Variants in ITGA8 observed in about 807,000 individuals in gnomAD.
ITGA8 encodes integrin alpha-8.
In ITGA8, 91 loss-of-function variants were observed where a neutral mutation model predicts 142.3. The observed-to-expected ratio is 0.64, with a 90% confidence interval of 0.54 to 0.76. ITGA8 has a LOEUF of 0.76. Among genes scored for constraint, ITGA8 ranks in the 30% least tolerant of loss-of-function variants. ITGA8 has a pLI of 0.00. For missense variants in ITGA8, 1,406 were observed against 1,327.7 expected (o/e 1.06, Z -0.92); for synonymous variants, 505 against 485.2 (o/e 1.04, Z -0.54).
At chr10:15,643,077 A>G (rs575691819) in intron 13 of ITGA8, among the ~76,000 whole-genome samples, 4 of 152,380 alleles carry the variant, frequency 2.6e-5, no homozygotes, top group Non-Finnish European at 4.4e-5. Context: ...AAACCTGGAC[A>G]GTGAAATAAT....
At chr10:15,649,017 A>C (rs150016044) in intron 11 of ITGA8, among the ~76,000 whole-genome samples, 1,992 of 152,240 alleles carry the variant, frequency 0.013, 32 homozygotes, top group African/African-American at 0.045. Context: ...CTTGGAGGGA[A>C]CTAAGGAAGG....
At position 15,719,589 on chromosome 10, in the gene ITGA8, C is replaced by T; in HGVS notation, c.183G>A (p.Val61=). The change falls in exon 1 of 30, where the codon GTG becomes GTA. Residue 61 remains valine, a synonymous_variant. Transcript: ENST00000378076. ...GPKGSYFGYA[V]DFHIPDARTA... Reference sequence around the variant, plus strand: ...TGCGGGCGTCGGGTATGTGGAAGTCCACGGCGTAGCCGAAGTAGCTGCCCT... The same window carrying T: ...TGCGGGCGTCGGGTATGTGGAAGTCTACGGCGTAGCCGAAGTAGCTGCCCT... 1.3e-6 allele frequency: 2 copies of T among 1,562,230 alleles called. No individual in the cohort carries two copies. Among genetic ancestry groups the T allele is most frequent in the Non-Finnish European group, 1.7e-6 (2 of 1,162,014 alleles).
At chr10:15,663,804 A>G (rs567855055) in intron 8 of ITGA8, among the ~76,000 whole-genome samples, 1 of 152,276 alleles carries the variant, frequency 6.6e-6, no homozygotes, top group South Asian at 2.1e-4. Flanking sequence ...TCCTGAGCTC[A>G]AGCAATTCTC....
At chr10:15,616,679 T>G in intron 13 of ITGA8, 120 bp from the exon 14 acceptor site, 1 of 799,218 alleles carries the variant, frequency 1.3e-6, no homozygotes, top group Non-Finnish European at 2.1e-6. Flanking sequence ...AGCCACAAAA[T>G]TAGAAGAGAA....
At chr10:15,555,807 T>C (rs1025681506) in intron 26 of ITGA8, among the ~76,000 whole-genome samples, 25 of 150,480 alleles carry the variant, frequency 1.7e-4, no homozygotes, top group African/African-American at 6.2e-4. Flanking sequence ...GCCATTCTCC[T>C]GCCTCAGCCT....
intron 27 of ITGA8, among the ~76,000 whole-genome samples, chr10:15,544,879 G>A (rs1181386880): frequency 6.6e-6 from 1 of 152,210 alleles, no homozygotes; most frequent in Non-Finnish European, 1.5e-5. Flanking sequence ...CATGTTAGGA[G>A]ATCGCTCAAG....
At chr10:15,712,409 C>G (rs1284929100) in intron 2 of ITGA8, among the ~76,000 whole-genome samples, 4 of 152,070 alleles carry the variant, frequency 2.6e-5, no homozygotes, top group African/African-American at 9.7e-5. Flanking sequence ...TGGTGAAACC[C>G]TGTCTCTACT....
Position 15,517,217 on chromosome 10 carries a change from G to C in ITGA8, c.3133C>G (p.Pro1045Ala), listed in dbSNP as rs547401440. ...TCCCTGTCGGTCATGTCCTCCTGAG[G>C]AGGTCTGGCTCTGTCAAAGAATCCA... ...KCGFFDRARP[P>A]QEDMTDREQL... Residue 1045 changes from proline to alanine, a missense_variant, in exon 30 of 30, where the codon CCT becomes GCT. Pro to Ala is a conservative substitution (Grantham distance 27). Transcript: ENST00000378076. 1 of 1,613,430 alleles carries C rather than the reference G, an allele frequency of 6.2e-7. No homozygotes were observed. Among genetic ancestry groups the C allele is most frequent in the East Asian group, 2.2e-5 (1 of 44,878 alleles).
At chr10:15,629,214 C>G (rs1463104665) in intron 13 of ITGA8, among the ~76,000 whole-genome samples, 3 of 151,996 alleles carry the variant, frequency 2.0e-5, no homozygotes, top group African/African-American at 7.3e-5. Flanking sequence ...GTCACACAAA[C>G]CTGCCTCTCC....
chr10:15,680,587 T>G (rs568788477), intron 4 of ITGA8, among the ~76,000 whole-genome samples: 27 of 152,240 alleles, frequency 1.8e-4, no homozygotes, highest in African/African-American at 6.5e-4. Context: ...ACTCTGAACA[T>G]ATATGTGTTC....
chr10:15,542,949 G>A (rs189194970), intron 27 of ITGA8, among the ~76,000 whole-genome samples: 8 of 152,192 alleles, frequency 5.3e-5, no homozygotes, highest in Admixed American at 1.3e-4. Context: ...TTCCTTAAGC[G>A]TAAAGAGCCA....
intron 7 of ITGA8, among the ~76,000 whole-genome samples, chr10:15,672,328 G>A (rs1242106325): frequency 1.3e-5 from 2 of 152,152 alleles, no homozygotes; most frequent in Non-Finnish European, 2.9e-5. Context: ...CTATCATCCT[G>A]TCCCTGTCAC....
At chr10:15,532,994 G>C (rs1036860863) in intron 27 of ITGA8, among the ~76,000 whole-genome samples, 1 of 152,090 alleles carries the variant, frequency 6.6e-6, no homozygotes, top group Non-Finnish European at 1.5e-5. Context: ...ATTCCGTGAC[G>C]ATCATGGTGG....
At chr10:15,675,485 C>A (rs1834610408) in intron 6 of ITGA8, among the ~76,000 whole-genome samples, 2 of 152,182 alleles carry the variant, frequency 1.3e-5, no homozygotes, top group South Asian at 4.2e-4. Context: ...CAGTCAGTAC[C>A]ACCATCGCTC....
At chr10:15,676,500 G>C (rs1278532101) in intron 6 of ITGA8, among the ~76,000 whole-genome samples, 1 of 152,062 alleles carries the variant, frequency 6.6e-6, no homozygotes, top group African/African-American at 2.4e-5. Flanking sequence ...TTCGGATTGT[G>C]TATCACAGTT....
At chr10:15,661,889 T>A (rs1009487209) in intron 8 of ITGA8, among the ~76,000 whole-genome samples, 2 of 152,158 alleles carry the variant, frequency 1.3e-5, no homozygotes, top group African/African-American at 4.8e-5. Context: ...CTGTCCAGTT[T>A]TCAATAATCT....
chr10:15,710,008 T>G (rs1255890277), intron 2 of ITGA8, among the ~76,000 whole-genome samples: 2 of 152,246 alleles, frequency 1.3e-5, no homozygotes, highest in Non-Finnish European at 1.5e-5. Context: ...AATTCTGATC[T>G]TTTATTGTTA....
intron 2 of ITGA8, among the ~76,000 whole-genome samples, chr10:15,707,984 A>ACC (rs1235991057): frequency 5.9e-5 from 9 of 151,670 alleles, no homozygotes; most frequent in Non-Finnish European, 1.2e-4. Context: ...ACACACACAC[A>ACC]CACACACACA....
chr10:15,569,986 A>T (rs1834148717), intron 25 of ITGA8, among the ~76,000 whole-genome samples: 1 of 152,228 alleles, frequency 6.6e-6, no homozygotes, highest in Non-Finnish European at 1.5e-5. Context: ...AATTATTTAT[A>T]GTCACTAATG....
Sources: allele counts gnomAD v4.1 joint callset (sites outside exome capture counted in the v4.1 genomes callset), GRCh38; gene constraint gnomAD v4.1.1; transcripts MANE v1.5; gene names NCBI Gene and HGNC (gene_info 2026-07-23, HGNC 2026-07-21).